Variants in PDGFD observed in about 807,000 individuals in gnomAD.
PDGFD encodes platelet-derived growth factor D.
A neutral mutation model predicts 44.7 loss-of-function variants in PDGFD; 30 were observed. The ratio of observed to expected loss-of-function variants is 0.67; its 90% CI spans 0.50 to 0.91. The LOEUF (loss-of-function observed/expected upper bound fraction) is 0.91, where lower values mean the gene tolerates loss of function less well. Ranked by LOEUF, PDGFD falls within the 40% of genes least tolerant of loss-of-function variation. The pLI is 0.00. For synonymous variants in PDGFD, 173 were observed against 168.4 expected (o/e 1.03, Z -0.21); for missense variants, 445 against 457.8 (o/e 0.97, Z 0.25).
intron 1 of PDGFD, among the ~76,000 whole-genome samples, chr11:104,103,054 T>C (rs1048133747): frequency 6.6e-6 from 1 of 152,150 alleles, no homozygotes; most frequent in African/African-American, 2.4e-5. Context: ...GTTGTGCACA[T>C]GTACCCTACA....
At chr11:103,983,500 T>C (rs1859305150) in intron 3 of PDGFD, among the ~76,000 whole-genome samples, 2 of 150,756 alleles carry the variant, frequency 1.3e-5, no homozygotes, top group South Asian at 4.1e-4. Context: ...ATTCAGGACA[T>C]GGGCATGGGC....
At chr11:104,086,324 A>T (rs1861130377) in intron 1 of PDGFD, among the ~76,000 whole-genome samples, 1 of 152,222 alleles carries the variant, frequency 6.6e-6, no homozygotes, top group Non-Finnish European at 1.5e-5. Context: ...CTGGAGGAAC[A>T]GCATGTTTTA....
intron 3 of PDGFD, among the ~76,000 whole-genome samples, chr11:103,962,774 T>G (rs1174774367): frequency 6.6e-6 from 1 of 152,174 alleles, no homozygotes; most frequent in Non-Finnish European, 1.5e-5. Context: ...AATATCTTCT[T>G]TCCTCCATAG....
chr11:104,006,558 C>G (rs1431132270), intron 1 of PDGFD, among the ~76,000 whole-genome samples: 4 of 152,138 alleles, frequency 2.6e-5, no homozygotes, highest in Admixed American at 2.6e-4. Flanking sequence ...TGTTTTTGTT[C>G]CCAAAAGTTG....
intron 1 of PDGFD, among the ~76,000 whole-genome samples, chr11:104,108,850 A>G (rs943753491): frequency 2.6e-5 from 4 of 152,166 alleles, no homozygotes; most frequent in Admixed American, 6.5e-5. Context: ...GCACATATAC[A>G]CCATGGAATA....
At chr11:103,936,470 T>C (rs1047792648) in intron 5 of PDGFD, among the ~76,000 whole-genome samples, 1 of 152,224 alleles carries the variant, frequency 6.6e-6, no homozygotes, top group African/African-American at 2.4e-5. Flanking sequence ...CAATAAATGA[T>C]AAAATTTTTT....
Position 103,992,694 on chromosome 11 carries a change from T to G in PDGFD, c.510+3371A>C, listed in dbSNP as rs114553327. ...ATTCCACACATCAAAAACTGTGATATAAGCATCAATCCCAACCAAAAATAA... is the reference window on the plus strand; with the variant it reads ...ATTCCACACATCAAAAACTGTGATAGAAGCATCAATCCCAACCAAAAATAA... On this transcript the variant is annotated intron_variant, in intron 3 of 6. Transcript: ENST00000393158. Among the ~76,000 whole-genome samples, 465 of 152,332 alleles carry G rather than the reference T, an allele frequency of 3.1e-3. 3 individuals carry two copies. Among genetic ancestry groups the G allele is most frequent in the African/African-American group, 0.011 (449 of 41,580 alleles).
chr11:103,996,410 A>C (rs572299680), intron 2 of PDGFD, among the ~76,000 whole-genome samples, 165 bp from the exon 3 acceptor site: 1 of 152,320 alleles, frequency 6.6e-6, no homozygotes, highest in African/African-American at 2.4e-5. Context: ...TTTTTGGATT[A>C]GGTTTGCAAA....
intron 6 of PDGFD, among the ~76,000 whole-genome samples, chr11:103,921,333 C>A (rs1023744584): frequency 6.6e-6 from 1 of 152,088 alleles, no homozygotes; most frequent in African/African-American, 2.4e-5. Context: ...AAACTCCTTG[C>A]GCGAAATTTA....
At chr11:104,007,186 G>C (rs1018258346) in intron 1 of PDGFD, among the ~76,000 whole-genome samples, 2 of 152,150 alleles carry the variant, frequency 1.3e-5, no homozygotes, top group African/African-American at 4.8e-5. Flanking sequence ...CCGTTTTACT[G>C]TCTTGGGCTC....
rs150564835 is a variant in PDGFD at position 104,119,978 on chromosome 11, T to G, written c.124+43826A>C. On this transcript the variant is annotated intron_variant, in intron 1 of 6. Transcript: ENST00000393158. Reference sequence around the variant, plus strand: ...TATTATATATTTATATTACATAGTATCATAATTATTAATTAAATTAATATA... The same window carrying G: ...TATTATATATTTATATTACATAGTAGCATAATTATTAATTAAATTAATATA... Among the ~76,000 whole-genome samples the G allele has an allele frequency of 6.0e-3, 848 of 141,922 alleles. 11 individuals are homozygous for G. The highest frequency in any genetic ancestry group is 0.02 in the African/African-American group (792 of 38,856). 93.1% of individuals were successfully genotyped at this position (141,922 alleles called of 152,430 possible). A position where few individuals can be genotyped will look rare whatever the true frequency, so the allele number is the denominator to read the frequency against.
chr11:103,985,223 A>G (rs1455837408), intron 3 of PDGFD, among the ~76,000 whole-genome samples: 1 of 145,672 alleles, frequency 6.9e-6, no homozygotes, highest in Non-Finnish European at 1.5e-5. Context: ...ATTTTTTGAG[A>G]CAAGGTCTTG....
intron 3 of PDGFD, among the ~76,000 whole-genome samples, chr11:103,960,501 G>T (rs1858918953): frequency 6.6e-6 from 1 of 152,094 alleles, no homozygotes; most frequent in Non-Finnish European, 1.5e-5. Flanking sequence ...TGAGATTTTT[G>T]AATGACCAAA....
chr11:104,079,199 AAG>A (rs1365035582), intron 1 of PDGFD, among the ~76,000 whole-genome samples: 7 of 152,230 alleles, frequency 4.6e-5, no homozygotes, highest in Admixed American at 4.6e-4. Flanking sequence ...AGGTAAAAAA[AAG>A]AGTCTGTCAC....
At chr11:103,941,938 GAA>G (rs1858590782) in intron 5 of PDGFD, among the ~76,000 whole-genome samples, 2 of 151,992 alleles carry the variant, frequency 1.3e-5, no homozygotes, top group Non-Finnish European at 2.9e-5. Context: ...ATGTCTTACA[GAA>G]AAGCAATTTT....
At chr11:103,945,910 G>T (rs1858661985) in intron 4 of PDGFD, 1 of 152,200 alleles carries the variant, frequency 6.6e-6, no homozygotes, top group African/African-American at 2.4e-5. Context: ...ATTTAGGGCA[G>T]TTGACAGAAA....
intron 1 of PDGFD, among the ~76,000 whole-genome samples, chr11:104,143,353 T>C (rs952308065): frequency 5.3e-5 from 8 of 152,154 alleles, no homozygotes; most frequent in Non-Finnish European, 8.8e-5. Flanking sequence ...CTGAATATGC[T>C]AGAGGGGATC....
At chr11:103,949,925 C>T (rs996305013) in intron 3 of PDGFD, among the ~76,000 whole-genome samples, 1 of 152,032 alleles carries the variant, frequency 6.6e-6, no homozygotes, top group African/African-American at 2.4e-5. Flanking sequence ...GAAAGCAATG[C>T]TTAGACAAGG....
intron 5 of PDGFD, among the ~76,000 whole-genome samples, chr11:103,940,078 C>A (rs1858560209): frequency 6.6e-6 from 1 of 152,056 alleles, no homozygotes; most frequent in African/African-American, 2.4e-5. Context: ...TCTTTCCTCA[C>A]CAAAACTTTA....
Sources: gnomAD v4.1 joint callset for allele counts (sites outside exome capture counted in the v4.1 genomes callset) on GRCh38, gnomAD v4.1.1 for gene constraint, MANE v1.5 for transcripts, NCBI Gene and HGNC (gene_info 2026-07-23, HGNC 2026-07-21) for gene names.